Variants in SLC14A2 observed in about 807,000 individuals in gnomAD.
SLC14A2 encodes the protein solute carrier family 14 member 2.
SLC14A2 carries 91 observed loss-of-function variants against 104.6 expected under a neutral mutation model. That is an observed-to-expected ratio of 0.87 (90% confidence interval 0.73 to 1.04). The LOEUF (loss-of-function observed/expected upper bound fraction) is 1.04. Ranked by LOEUF, SLC14A2 falls within the 50% of genes least tolerant of loss-of-function variation. The pLI, the probability that SLC14A2 is intolerant of heterozygous loss-of-function variation, is 0.00. For missense variants in SLC14A2, 1,189 were observed against 1,156.0 expected (o/e 1.03, Z -0.41); for synonymous variants, 476 against 466.4 (o/e 1.02, Z -0.27).
intron 16 of SLC14A2, among the ~76,000 whole-genome samples, chr18:45,669,840 T>C (rs8088466): frequency 0.71 from 108,680 of 152,212 alleles, 39,004 homozygotes; most frequent in Middle Eastern, 0.75. Context: ...TAAAAAGTCT[T>C]TTTGAGGCTT....
intron 11 of SLC14A2, among the ~76,000 whole-genome samples, chr18:45,665,362 C>T (rs2046000892): frequency 6.6e-6 from 1 of 152,142 alleles, no homozygotes; most frequent in African/African-American, 2.4e-5. Context: ...ATGCATAAAA[C>T]CCTACTGAAA....
At chr18:45,572,321 C>T (rs971977628) in intron 2 of SLC14A2, among the ~76,000 whole-genome samples, 12 of 152,204 alleles carry the variant, frequency 7.9e-5, no homozygotes, top group Non-Finnish European at 1.8e-4. Flanking sequence ...AAATATCCTA[C>T]TGACCCTGAA....
intron 2 of SLC14A2, among the ~76,000 whole-genome samples, chr18:45,500,021 A>C (rs1466898593): frequency 6.6e-6 from 1 of 152,226 alleles, no homozygotes; most frequent in Admixed American, 6.5e-5. Flanking sequence ...ATAACTCTAG[A>C]GTCAAATTAG....
At chr18:45,530,628 G>A (rs2043669688) in intron 2 of SLC14A2, among the ~76,000 whole-genome samples, 1 of 151,998 alleles carries the variant, frequency 6.6e-6, no homozygotes, top group African/African-American at 2.4e-5. Context: ...ATAAAGTGCT[G>A]CTTGAGAGCC....
chr18:45,217,224 T>A (rs1448412332), intron 1 of SLC14A2, among the ~76,000 whole-genome samples: 1 of 148,710 alleles, frequency 6.7e-6, no homozygotes, highest in Non-Finnish European at 1.5e-5. Context: ...ATATATGTTT[T>A]TATATATAAG....
At chr18:45,420,377 A>G (rs1025335786) in intron 1 of SLC14A2, among the ~76,000 whole-genome samples, 1 of 152,238 alleles carries the variant, frequency 6.6e-6, no homozygotes, top group Non-Finnish European at 1.5e-5. Flanking sequence ...TGATTCAATG[A>G]GAGTGAGAAT....
At chr18:45,275,340 T>C (rs2084691342) in intron 1 of SLC14A2, among the ~76,000 whole-genome samples, 1 of 152,204 alleles carries the variant, frequency 6.6e-6, no homozygotes. Flanking sequence ...GTTGTATTCA[T>C]CTCTCACAAA....
intron 2 of SLC14A2, among the ~76,000 whole-genome samples, chr18:45,610,407 C>A (rs1314194968): frequency 6.6e-6 from 1 of 152,140 alleles, no homozygotes; most frequent in East Asian, 1.9e-4. Flanking sequence ...AATTCCAGTG[C>A]CCGGGTTACA....
At chr18:45,241,895 G>C (rs186006804) in intron 1 of SLC14A2, among the ~76,000 whole-genome samples, 1 of 151,646 alleles carries the variant, frequency 6.6e-6, no homozygotes, top group Non-Finnish European at 1.5e-5. Flanking sequence ...CACCTGCCTC[G>C]GCCTCCCAAA....
intron 4 of SLC14A2, among the ~76,000 whole-genome samples, chr18:45,631,955 T>C (rs2045352037): frequency 6.6e-6 from 1 of 152,122 alleles, no homozygotes; most frequent in South Asian, 2.1e-4. Flanking sequence ...ATCATAACAC[T>C]CTTTCTCCTT....
chr18:45,561,619 A>G (rs1447393152), intron 2 of SLC14A2, among the ~76,000 whole-genome samples: 1 of 152,134 alleles, frequency 6.6e-6, no homozygotes, highest in African/African-American at 2.4e-5. Flanking sequence ...TTTGCTTCAT[A>G]TTTTTTAATA....
At chr18:45,514,826 G>T (rs2043414944) in intron 2 of SLC14A2, among the ~76,000 whole-genome samples, 2 of 152,186 alleles carry the variant, frequency 1.3e-5, no homozygotes, top group Admixed American at 6.5e-5. Context: ...TGCTTATACT[G>T]CACTGGGTGG....
chr18:45,461,939 GA>G (rs759684344), intron 1 of SLC14A2, among the ~76,000 whole-genome samples: 2 of 152,126 alleles, frequency 1.3e-5, no homozygotes, highest in Admixed American at 1.3e-4. Flanking sequence ...GGTGGGAATT[GA>G]AAAGGGAAGA....
intron 1 of SLC14A2, among the ~76,000 whole-genome samples, chr18:45,239,342 G>C (rs894129429): frequency 1.3e-5 from 2 of 152,198 alleles, no homozygotes; most frequent in Non-Finnish European, 2.9e-5. Flanking sequence ...GGAAGATTTT[G>C]GTAGCTTTGT....
intron 1 of SLC14A2, among the ~76,000 whole-genome samples, chr18:45,320,617 G>A (rs35752582): frequency 0.29 from 43,760 of 152,072 alleles, 6,448 homozygotes; most frequent in African/African-American, 0.34. Flanking sequence ...CCTGGCAGGA[G>A]TGGTGAGAGT....
At chr18:45,517,251 C>G (rs1007430946) in intron 2 of SLC14A2, among the ~76,000 whole-genome samples, 4 of 152,184 alleles carry the variant, frequency 2.6e-5, no homozygotes, top group African/African-American at 9.7e-5. Flanking sequence ...GCAGGGCAGA[C>G]TAATAACCTC....
chr18:45,543,452 T>C (rs1258337328), intron 2 of SLC14A2, among the ~76,000 whole-genome samples: 1 of 152,184 alleles, frequency 6.6e-6, no homozygotes, highest in East Asian at 1.9e-4. Context: ...AATAAATATA[T>C]GAACACTACA....
chr18:45,211,071 A>G (rs2083957322), upstream of SLC14A2, among the ~76,000 whole-genome samples: 1 of 152,148 alleles, frequency 6.6e-6, no homozygotes, highest in South Asian at 2.1e-4. Flanking sequence ...CTCTTTTCAG[A>G]TAATGTTCTT....
At chr18:45,636,313 AC>A (rs1370165375) in intron 5 of SLC14A2, among the ~76,000 whole-genome samples, 1 of 152,192 alleles carries the variant, frequency 6.6e-6, no homozygotes, top group African/African-American at 2.4e-5. Flanking sequence ...TCCAGAGGAA[AC>A]TGAAGCTAAG....
Sources: gnomAD v4.1 joint callset for allele counts (sites outside exome capture counted in the v4.1 genomes callset) on GRCh38, gnomAD v4.1.1 for gene constraint, MANE v1.5 for transcripts, NCBI Gene and HGNC (gene_info 2026-07-23, HGNC 2026-07-21) for gene names.